Variants in SCAI observed in about 807,000 individuals in gnomAD.
SCAI encodes the protein protein SCAI.
A neutral mutation model predicts 92.2 loss-of-function variants in SCAI; 24 were observed. The ratio of observed to expected loss-of-function variants is 0.26; its 90% CI spans 0.19 to 0.37. The LOEUF (loss-of-function observed/expected upper bound fraction) is 0.37. Ranked by LOEUF, SCAI falls within the 10% of genes least tolerant of loss-of-function variation. The probability of loss-of-function intolerance (pLI) is 1.00; values close to 1 mark genes in which losing one functional copy is unlikely to be tolerated. For missense variants in SCAI, 450 were observed against 736.2 expected, an observed-to-expected ratio of 0.61 and a Z score of 4.50; for synonymous variants, 261 against 258.6, an observed-to-expected ratio of 1.01 and a Z score of -0.09.
At chr9:125,026,762 A>G (rs765529516) in intron 6 of SCAI, 50 bp downstream of exon 6, 8 of 951,196 alleles carry the variant, frequency 8.4e-6, no homozygotes, top group Admixed American at 2.2e-5. Flanking sequence ...TACGAAGATT[A>G]AGACTGAATG....
chr9:125,143,356 C>CA, intron 1 of SCAI, 29 bp downstream of exon 1: 1 of 1,309,968 alleles, frequency 7.6e-7, no homozygotes, highest in Non-Finnish European at 9.7e-7. Context: ...ACCCCATCCC[C>CA]AACCCCGGCC....
At chr9:125,011,395 T>C (rs910221582) in intron 9 of SCAI, among the ~76,000 whole-genome samples, 6 of 152,092 alleles carry the variant, frequency 3.9e-5, no homozygotes, top group Non-Finnish European at 7.3e-5. Context: ...TGCAGAAGCC[T>C]CAGGAGCCAA....
intron 2 of SCAI, among the ~76,000 whole-genome samples, chr9:125,123,889 G>A (rs925487532): frequency 5.3e-5 from 8 of 152,228 alleles, no homozygotes; most frequent in African/African-American, 1.9e-4. Context: ...AGAATTTCCA[G>A]GACACTGTCA....
chr9:125,025,945 G>A (rs1832957103), intron 6 of SCAI, among the ~76,000 whole-genome samples: 1 of 152,122 alleles, frequency 6.6e-6, no homozygotes, highest in African/African-American at 2.4e-5. Context: ...TTGTGTTGCT[G>A]GGGTAGAGAG....
rs953170762 is a variant in SCAI, at chr9:124,992,472, C to G, written c.1326+2462G>C. 2.0e-5 allele frequency among the ~76,000 whole-genome samples: 3 copies of G among 151,858 alleles called. No individual in the cohort carries two copies. In the East Asian group the frequency reaches 5.8e-4, roughly 29 times the overall value. ...GATCTTGGCTCACTGAAACCTCCAT[C>G]TCCCGGGTTCAAGCGATTCTCCTGC... On this transcript the variant is annotated intron_variant, in intron 14 of 17. Coordinates refer to ENST00000336505, the MANE Select transcript of SCAI (RefSeq NM_001144877.3).
chr9:125,046,298 G>C (rs1371175362), intron 3 of SCAI, among the ~76,000 whole-genome samples: 3 of 68,780 alleles, frequency 4.4e-5, no homozygotes, highest in Admixed American at 3.7e-4. Context: ...TCCTTTTATG[G>C]CCTATCTCAT....
intron 2 of SCAI, among the ~76,000 whole-genome samples, chr9:125,088,436 T>C (rs1406895362): frequency 6.6e-6 from 1 of 152,160 alleles, no homozygotes. Flanking sequence ...CTCCCCACTG[T>C]TCTCTCTTCC....
In SCAI at chr9:125,091,974, A is replaced by T. The variant is rs10986556; in HGVS notation, c.99-35967T>A. On this transcript the variant is annotated intron_variant, in intron 2 of 17. Transcript: ENST00000336505. This position sits in a 1 kb window ranked among gnomAD's most constrained non-coding sequence, Gnocchi z 4.3. ...AAAATAAAAAAATAAAAATAAAAAT[A>T]AAAAAATTAGCCAGGCGTGGTGGTG... Among the ~76,000 whole-genome samples the T allele has an allele frequency of 4.0e-5, 6 of 151,638 alleles. No individual in the cohort carries two copies. Among genetic ancestry groups the T allele is most frequent in the African/African-American group, 1.5e-4 (6 of 41,268 alleles).
chr9:125,027,424 C>T (rs987830708), intron 5 of SCAI, among the ~76,000 whole-genome samples: 4 of 152,112 alleles, frequency 2.6e-5, no homozygotes, highest in African/African-American at 9.7e-5. Flanking sequence ...AATATTCTAC[C>T]CAAGAGAGTG....
chr9:125,107,154 T>C (rs1010527518), intron 2 of SCAI, among the ~76,000 whole-genome samples: 4 of 152,012 alleles, frequency 2.6e-5, no homozygotes, highest in African/African-American at 9.7e-5. Context: ...CTCACGCCTG[T>C]AATCCCAGCA....
intron 2 of SCAI, among the ~76,000 whole-genome samples, chr9:125,092,068 T>C (rs1834439268): frequency 7.0e-6 from 1 of 143,362 alleles, no homozygotes; most frequent in Admixed American, 7.6e-5. Flanking sequence ...AGGCGGAGCT[T>C]GCAGTGAGCT....
At chr9:125,007,467 C>T (rs939505941) in intron 9 of SCAI, among the ~76,000 whole-genome samples, 1 of 152,026 alleles carries the variant, frequency 6.6e-6, no homozygotes, top group African/African-American at 2.4e-5. Flanking sequence ...GGCAGAAGGA[C>T]TGCTTGAGGC....
chr9:124,990,454 A>G (rs1588136372), intron 14 of SCAI, among the ~76,000 whole-genome samples: 1 of 152,154 alleles, frequency 6.6e-6, no homozygotes, highest in Non-Finnish European at 1.5e-5. Flanking sequence ...GCACCATTGC[A>G]CTCTAGCCTG....
At chr9:125,142,105 T>C (rs1835680923) in intron 2 of SCAI, 1 of 152,578 alleles carries the variant, frequency 6.6e-6, no homozygotes, top group African/African-American at 2.4e-5. Flanking sequence ...AGTTGGTTTT[T>C]GTTTTTTTAA....
At chr9:125,115,380 A>AC (rs1450300449) in intron 2 of SCAI, among the ~76,000 whole-genome samples, 1 of 150,938 alleles carries the variant, frequency 6.6e-6, no homozygotes. Flanking sequence ...CAAAAAAAAA[A>AC]AAAAAAAAAA....
intron 2 of SCAI, among the ~76,000 whole-genome samples, chr9:125,086,138 G>C (rs1234370044): frequency 6.6e-6 from 1 of 152,024 alleles, no homozygotes; most frequent in African/African-American, 2.4e-5. Flanking sequence ...TTCAATTGCC[G>C]TATATCATAG....
chr9:125,059,963 A>G (rs1291089652), intron 2 of SCAI, among the ~76,000 whole-genome samples: 3 of 152,260 alleles, frequency 2.0e-5, no homozygotes, highest in Non-Finnish European at 4.4e-5. Context: ...AGTTGAAGAC[A>G]GCATTCAAAC....
intron 2 of SCAI, among the ~76,000 whole-genome samples, chr9:125,104,620 AAAG>A (rs1223870640): frequency 6.6e-6 from 1 of 151,722 alleles, no homozygotes; most frequent in Admixed American, 6.6e-5. Flanking sequence ...AAAAAAAAAA[AAAG>A]GCCAGTGCAG....
intron 17 of SCAI, among the ~76,000 whole-genome samples, chr9:124,954,287 A>C (rs1275920499): frequency 6.6e-6 from 1 of 152,270 alleles, no homozygotes; most frequent in Non-Finnish European, 1.5e-5. Flanking sequence ...TCCATCTAGT[A>C]ATAGCAGAAT....
Sources: allele counts gnomAD v4.1 joint callset (sites outside exome capture counted in the v4.1 genomes callset), GRCh38; gene constraint gnomAD v4.1.1; non-coding constraint Gnocchi (gnomAD v3.1); transcripts MANE v1.5; gene names NCBI Gene and HGNC (gene_info 2026-07-23, HGNC 2026-07-21).